RNLS: variants seen among roughly 807,000 people sequenced by gnomAD.
RNLS encodes the protein renalase, FAD dependent amine oxidase, also known as renalase.
A neutral mutation model predicts 39.8 loss-of-function variants in RNLS; 39 were observed. The observed-to-expected ratio is 0.98, with a 90% confidence interval of 0.76 to 1.28. RNLS has a LOEUF of 1.28. Among genes scored for constraint, RNLS ranks in the 50% most tolerant of loss-of-function variants. RNLS has a pLI of 0.00. For synonymous variants in RNLS, 147 were observed against 150.7 expected, an observed-to-expected ratio of 0.98 and a Z score of 0.18; for missense variants, 410 against 413.3, an observed-to-expected ratio of 0.99 and a Z score of 0.07.
chr10:88,457,134 A>C (rs1252737860), intron 4 of RNLS, among the ~76,000 whole-genome samples: 1 of 152,146 alleles, frequency 6.6e-6, no homozygotes, highest in Non-Finnish European at 1.5e-5. Context: ...CCTCACCATG[A>C]CCCATGAATT....
chr10:88,265,240 T>G, the RNLS span, among the ~76,000 whole-genome samples: 1 of 152,108 alleles, frequency 6.6e-6, no homozygotes, highest in Admixed American at 6.6e-5. Flanking sequence ...ACTATGGCCT[T>G]ATAGTATAGT....
Position 88,284,298 on chromosome 10 carries a change from G to C in RNLS, c.*1056C>G. 4 of 985,336 alleles carry C rather than the reference G, an allele frequency of 4.1e-6. No homozygotes were observed. Among genetic ancestry groups the C allele is most frequent in the Non-Finnish European group, 4.8e-6 (4 of 829,884 alleles). The allele number at this position is 985,336 out of a possible 1,614,324, so 61.0% of individuals were successfully genotyped here. ...GAAGTCTTTTGTTGAACTTTTGTTA[G>C]TTTGAGAGGCTGCAATGATTTTTCT... On this transcript the variant is annotated 3_prime_UTR_variant, in exon 7 of 7. Coordinates refer to ENST00000331772, the MANE Select transcript of RNLS (RefSeq NM_001031709.3).
chr10:88,428,927 T>C (rs4934405), intron 4 of RNLS, among the ~76,000 whole-genome samples: 9,263 of 151,976 alleles, frequency 0.061, 406 homozygotes, highest in African/African-American at 0.12. Context: ...GGTTGTGCAT[T>C]TTTTCCTTTC....
At chr10:88,457,348 G>A (rs535037678) in intron 4 of RNLS, among the ~76,000 whole-genome samples, 1 of 152,352 alleles carries the variant, frequency 6.6e-6, no homozygotes, top group African/African-American at 2.4e-5. Context: ...CAAGGTCACA[G>A]TAAATGCTAG....
intron 5 of RNLS, among the ~76,000 whole-genome samples, chr10:88,340,460 T>C (rs894627861): frequency 2.0e-5 from 3 of 151,470 alleles, no homozygotes; most frequent in Admixed American, 1.3e-4. Context: ...ATGGAGTATA[T>C]ATAGTCTCAA....
intron 5 of RNLS, among the ~76,000 whole-genome samples, chr10:88,347,606 AC>A (rs968269070): frequency 9.3e-5 from 14 of 150,706 alleles, no homozygotes; most frequent in Admixed American, 3.3e-4. Flanking sequence ...TTAAACACCA[AC>A]CCCCCCCAAT....
intron 6 of RNLS, among the ~76,000 whole-genome samples, chr10:88,304,884 A>G (rs1844809807): frequency 6.6e-6 from 1 of 152,184 alleles, no homozygotes; most frequent in Non-Finnish European, 1.5e-5. Flanking sequence ...CCCAAGATAC[A>G]TAATTGTGAG....
At chr10:88,461,409 C>T (rs899502585) in intron 4 of RNLS, among the ~76,000 whole-genome samples, 1 of 152,100 alleles carries the variant, frequency 6.6e-6, no homozygotes, top group African/African-American at 2.4e-5. Flanking sequence ...CAGGCTTTCT[C>T]CATGAAAGTC....
chr10:88,539,493 T>A (rs988782308), intron 4 of RNLS, among the ~76,000 whole-genome samples: 1 of 152,154 alleles, frequency 6.6e-6, no homozygotes, highest in African/African-American at 2.4e-5. Flanking sequence ...GACACCAAGC[T>A]GCTACAGAGG....
chr10:88,242,721 C>T, the RNLS span, among the ~76,000 whole-genome samples: 1 of 152,286 alleles, frequency 6.6e-6, no homozygotes, highest in Non-Finnish European at 1.5e-5. Flanking sequence ...GAGGCTGAGG[C>T]AGGCGGATGA....
chr10:88,351,266 G>T (rs2133288324), intron 5 of RNLS, among the ~76,000 whole-genome samples: 1 of 152,216 alleles, frequency 6.6e-6, no homozygotes, highest in African/African-American at 2.4e-5. Flanking sequence ...GGCTTTTGTT[G>T]CCATTGCTTT....
At chr10:88,536,698 A>G (rs1847780727) in intron 4 of RNLS, among the ~76,000 whole-genome samples, 1 of 152,002 alleles carries the variant, frequency 6.6e-6, no homozygotes, top group Admixed American at 6.6e-5. Context: ...TGTCTGGGAC[A>G]TTCTTCCCCC....
intron 6 of RNLS, among the ~76,000 whole-genome samples, chr10:88,277,128 A>G (rs1188545384): frequency 2.0e-5 from 3 of 152,230 alleles, no homozygotes; most frequent in African/African-American, 2.4e-5. Context: ...CATATACACT[A>G]TGGAATATTA....
At chr10:88,341,127 C>T (rs1254751458) in intron 5 of RNLS, among the ~76,000 whole-genome samples, 2 of 149,338 alleles carry the variant, frequency 1.3e-5, no homozygotes, top group African/African-American at 4.9e-5. Flanking sequence ...GTCGGGAGTT[C>T]GAGACCAGCC....
intron 4 of RNLS, among the ~76,000 whole-genome samples, chr10:88,435,823 A>C (rs1279815637): frequency 6.6e-6 from 1 of 152,166 alleles, no homozygotes; most frequent in Non-Finnish European, 1.5e-5. Context: ...CTTATAATAA[A>C]AGCAATTTTA....
intron 4 of RNLS, among the ~76,000 whole-genome samples, chr10:88,440,204 C>T (rs1272769775): frequency 2.0e-5 from 3 of 152,148 alleles, no homozygotes; most frequent in African/African-American, 7.2e-5. Context: ...AGATGTCAGT[C>T]CTCTTGACAT....
the RNLS span, among the ~76,000 whole-genome samples, chr10:88,188,790 C>T: frequency 2.4e-4 from 36 of 152,240 alleles, no homozygotes; most frequent in South Asian, 7.5e-3. Flanking sequence ...ATAAAAAGAA[C>T]AGGAGAATAT....
At chr10:88,193,410 C>A in the RNLS span, among the ~76,000 whole-genome samples, 272 of 152,184 alleles carry the variant, frequency 1.8e-3, 1 homozygote, top group African/African-American at 6.1e-3. Context: ...CCTTCCCAAA[C>A]GGGGTCAATT....
At chr10:88,462,151 C>T (rs1423480593) in intron 4 of RNLS, among the ~76,000 whole-genome samples, 2 of 151,910 alleles carry the variant, frequency 1.3e-5, no homozygotes, top group Non-Finnish European at 2.9e-5. Context: ...TGTGTTTTGA[C>T]AAACCACTGA....
Sources: gnomAD v4.1 joint callset for allele counts (sites outside exome capture counted in the v4.1 genomes callset) on GRCh38, gnomAD v4.1.1 for gene constraint, MANE v1.5 for transcripts, NCBI Gene and HGNC (gene_info 2026-07-23, HGNC 2026-07-21) for gene names.